The following DAPK2 variants were observed in gnomAD, a reference collection of about 807,000 sequenced individuals.
The protein encoded by DAPK2 is death associated protein kinase 2.
A neutral mutation model predicts 44.1 loss-of-function variants in DAPK2; 35 were observed. The ratio of observed to expected loss-of-function variants is 0.79; its 90% CI spans 0.61 to 1.05. DAPK2 has a LOEUF of 1.05. Among genes scored for constraint, DAPK2 ranks in the 50% least tolerant of loss-of-function variants. The probability of loss-of-function intolerance (pLI) is 0.00; values close to 1 mark genes in which losing one functional copy is unlikely to be tolerated. For missense variants in DAPK2, 453 were observed against 483.2 expected, an observed-to-expected ratio of 0.94 and a Z score of 0.59; for synonymous variants, 174 against 182.6, an observed-to-expected ratio of 0.95 and a Z score of 0.38.
At chr15:64,019,527 A>AT (rs1233688117) in intron 1 of DAPK2, among the ~76,000 whole-genome samples, 2 of 152,226 alleles carry the variant, frequency 1.3e-5, no homozygotes, top group Non-Finnish European at 1.5e-5. Flanking sequence ...TGTCTAATAC[A>AT]TTGTCCTTTT....
At chr15:64,044,067 G>T (rs931359094), upstream of DAPK2, among the ~76,000 whole-genome samples, 1 of 152,142 alleles carries the variant, frequency 6.6e-6, no homozygotes, top group Non-Finnish European at 1.5e-5. Context: ...AAACTGAAGT[G>T]GAATTATAGT....
chr15:63,931,277 C>A (rs2079546835), intron 4 of DAPK2, among the ~76,000 whole-genome samples: 1 of 152,156 alleles, frequency 6.6e-6, no homozygotes, highest in East Asian at 1.9e-4. Flanking sequence ...TAAGGTATTT[C>A]ATTAAAGCAG....
intron 8 of DAPK2, among the ~76,000 whole-genome samples, chr15:63,914,250 G>T (rs1314444939): frequency 6.6e-6 from 1 of 152,140 alleles, no homozygotes; most frequent in African/African-American, 2.4e-5. Context: ...ACCCAAAGCT[G>T]GAGGGGGAGT....
At chr15:63,976,309 T>C (rs2078345596) in intron 2 of DAPK2, among the ~76,000 whole-genome samples, 1 of 152,268 alleles carries the variant, frequency 6.6e-6, no homozygotes, top group Non-Finnish European at 1.5e-5. Flanking sequence ...TTTTATTTAA[T>C]TTTAATTAAT....
At chr15:63,929,522 G>C (rs1362665307) in intron 6 of DAPK2, 29 bp downstream of exon 7, 17 of 1,613,490 alleles carry the variant, frequency 1.1e-5, no homozygotes, top group Non-Finnish European at 1.4e-5. Context: ...TCTAAGCTGA[G>C]CCAGAGCCCC....
Position 63,923,483 on chromosome 15 carries a change from G to GA in DAPK2, c.858+1332dup. On this transcript the variant is annotated intron_variant, in intron 8 of 10. Transcript: ENST00000261891. The surrounding 1 kb of genome is among the most constrained non-coding windows in gnomAD (Gnocchi z 4.2). ...CAGGCCATGGGGAGAACCAGGGTGG[G>GA]ATGAGCACCTCCTTAGGCCATAAGT... 1 of 1,421,670 alleles carries GA rather than the reference G, an allele frequency of 7.0e-7. No homozygotes were observed. The highest frequency in any genetic ancestry group is 2.6e-5 in the Admixed American group (1 of 37,950). 88.1% of individuals were successfully genotyped at this position (1,421,670 alleles called of 1,614,324 possible).
At chr15:63,930,324 AGC>A (rs2079500772) in intron 5 of DAPK2, 81 bp downstream of exon 6, 1 of 1,317,996 alleles carries the variant, frequency 7.6e-7, no homozygotes, top group South Asian at 1.2e-5. Context: ...TTCATGGTTA[AGC>A]GGATGTCACC....
intron 1 of DAPK2, among the ~76,000 whole-genome samples, chr15:63,994,737 C>T (rs1373593588): frequency 6.6e-6 from 1 of 151,952 alleles, no homozygotes; most frequent in Non-Finnish European, 1.5e-5. Context: ...TTACAGGCAT[C>T]CGCCACCATG....
At chr15:63,944,474 C>G (rs1489603270) in intron 3 of DAPK2, among the ~76,000 whole-genome samples, 1 of 152,204 alleles carries the variant, frequency 6.6e-6, no homozygotes, top group Admixed American at 6.5e-5. Flanking sequence ...CCAAGCTCCA[C>G]TATTAGCCTG....
intron 1 of DAPK2, among the ~76,000 whole-genome samples, chr15:64,004,082 T>TTC (rs143683927): frequency 5.6e-4 from 83 of 147,786 alleles, no homozygotes; most frequent in African/African-American, 1.3e-3. Flanking sequence ...CTTTAGGTTC[T>TTC]TCTCTCTCTC....
intron 3 of DAPK2, among the ~76,000 whole-genome samples, chr15:63,964,284 C>T (rs985686462): frequency 6.6e-6 from 1 of 152,162 alleles, no homozygotes; most frequent in Non-Finnish European, 1.5e-5. Context: ...CTCTCCTGGC[C>T]TATAAGGTTT....
At chr15:64,005,445 C>A (rs765702004) in intron 1 of DAPK2, among the ~76,000 whole-genome samples, 2 of 151,294 alleles carry the variant, frequency 1.3e-5, no homozygotes, top group South Asian at 2.1e-4. Context: ...CCAAGAATAT[C>A]ATGTGCAGTT....
exon 3 of DAPK2, chr15:63,971,437 G>A: frequency 6.2e-7 from 1 of 1,614,184 alleles, no homozygotes; most frequent in Non-Finnish European, 8.5e-7. Flanking sequence ...AGATCAAAGT[G>A]AGCAATTTTC....
At chr15:63,999,276 T>C (rs1167332836) in intron 1 of DAPK2, among the ~76,000 whole-genome samples, 1 of 152,206 alleles carries the variant, frequency 6.6e-6, no homozygotes, top group Non-Finnish European at 1.5e-5. Flanking sequence ...GGGTCAGGAC[T>C]ATCCATGGGC....
intron 3 of DAPK2, among the ~76,000 whole-genome samples, chr15:63,955,026 C>T (rs1010943703): frequency 1.3e-5 from 2 of 152,124 alleles, no homozygotes; most frequent in African/African-American, 4.8e-5. Context: ...TTACTGAATT[C>T]GTTTATCAGT....
At chr15:63,952,562 T>C (rs1249163772) in intron 3 of DAPK2, among the ~76,000 whole-genome samples, 1 of 152,068 alleles carries the variant, frequency 6.6e-6, no homozygotes, top group Non-Finnish European at 1.5e-5. Context: ...GGCCCGAGAA[T>C]GTCATGCTAA....
At position 63,912,277 on chromosome 15, in the gene DAPK2, C is replaced by T. The variant is rs1304649069; in HGVS notation, c.859-80G>A. The T allele has an allele frequency of 7.8e-6, 11 of 1,407,846 alleles. No individual in the cohort carries two copies. The highest frequency in any genetic ancestry group is 1.1e-5 in the Non-Finnish European group (11 of 1,010,268). The allele number at this position is 1,407,846 out of a possible 1,614,324, so 87.2% of individuals were successfully genotyped here. On this transcript the variant is annotated intron_variant, in intron 8 of 10. Transcript: ENST00000261891. This position sits in a 1 kb window ranked among gnomAD's most constrained non-coding sequence, Gnocchi z 4.4. ...CCTCCTCGCCGCAGAACTCCCCACC[C>T]ACCGCATGCCCACCGCCCTTGGCTT...
intron 10 of DAPK2, 186 bp downstream of exon 11, chr15:63,911,722 G>A (rs2146476026): frequency 1.6e-6 from 1 of 634,138 alleles, no homozygotes; most frequent in Non-Finnish European, 2.8e-6. Context: ...ACCACCCAGA[G>A]GTCCCCAGAA....
At chr15:63,972,991 C>T (rs1261560689) in intron 2 of DAPK2, among the ~76,000 whole-genome samples, 2 of 152,136 alleles carry the variant, frequency 1.3e-5, no homozygotes, top group Non-Finnish European at 2.9e-5. Flanking sequence ...GAAGAATAAC[C>T]CTGAAGTCAT....
Sources: gnomAD v4.1 joint callset for allele counts (sites outside exome capture counted in the v4.1 genomes callset) on GRCh38, gnomAD v4.1.1 for gene constraint, Gnocchi (gnomAD v3.1) non-coding constraint, MANE v1.5 for transcripts, NCBI Gene and HGNC (gene_info 2026-07-23, HGNC 2026-07-21) for gene names.